GRIK2: variants seen among roughly 807,000 people sequenced by gnomAD.
The protein encoded by GRIK2 is glutamate receptor ionotropic, kainate 2.
A neutral mutation model predicts 100.3 loss-of-function variants in GRIK2; 32 were observed. The observed-to-expected ratio is 0.32, with a 90% confidence interval of 0.24 to 0.43. The LOEUF (loss-of-function observed/expected upper bound fraction) is 0.43, where lower values mean the gene tolerates loss of function less well. Among genes scored for constraint, GRIK2 ranks in the 20% least tolerant of loss-of-function variants. GRIK2 has a pLI of 1.00. For synonymous variants in GRIK2, 417 were observed against 389.4 expected, an observed-to-expected ratio of 1.07 and a Z score of -0.83; for missense variants, 843 against 1,114.9, an observed-to-expected ratio of 0.76 and a Z score of 3.47.
At chr6:101,685,557 T>C (rs1179635520) in intron 6 of GRIK2, among the ~76,000 whole-genome samples, 2 of 152,180 alleles carry the variant, frequency 1.3e-5, no homozygotes, top group African/African-American at 4.8e-5. Flanking sequence ...GAAAGTTCAC[T>C]ATATACAGAC....
rs1279937784 is a variant in GRIK2, at chr6:101,988,043, C to T, written c.2086-47298C>T. 2.6e-5 allele frequency among the ~76,000 whole-genome samples: 4 copies of T among 151,220 alleles called. No homozygotes were observed. In the East Asian group the frequency reaches 7.9e-4, roughly 30 times the overall value. ...CTCCTTCAGCTACTGCTTCAAATAA[C>T]TCAGTACTGTGAGAACTGATAAGCT... On this transcript the variant is annotated intron_variant, in intron 14 of 16. Coordinates refer to ENST00000369134, the MANE Select transcript of GRIK2 (RefSeq NM_021956.5).
chr6:101,656,399 G>A (rs1250433729), intron 4 of GRIK2, among the ~76,000 whole-genome samples: 2 of 151,456 alleles, frequency 1.3e-5, no homozygotes, highest in Non-Finnish European at 2.9e-5. Context: ...ATATTTAAAT[G>A]TTCTAAAAAT....
At chr6:101,624,384 G>A (rs1780326224) in intron 3 of GRIK2, among the ~76,000 whole-genome samples, 1 of 152,028 alleles carries the variant, frequency 6.6e-6, no homozygotes, top group Non-Finnish European at 1.5e-5. Context: ...TACTAATTTA[G>A]AATTCCACAT....
At chr6:101,612,369 GA>G (rs1779718449) in intron 2 of GRIK2, among the ~76,000 whole-genome samples, 1 of 151,806 alleles carries the variant, frequency 6.6e-6, no homozygotes, top group Non-Finnish European at 1.5e-5. Context: ...ATAGATTAAA[GA>G]CAGAAAACGT....
chr6:102,050,124 G>A (rs951184846), intron 15 of GRIK2, among the ~76,000 whole-genome samples: 9 of 152,014 alleles, frequency 5.9e-5, no homozygotes, highest in Non-Finnish European at 1.3e-4. Context: ...TTTGTACAGG[G>A]TAGTAAAAGG....
chr6:101,394,486 A>G (rs1774924164), intron 1 of GRIK2, among the ~76,000 whole-genome samples: 1 of 152,238 alleles, frequency 6.6e-6, no homozygotes, highest in African/African-American at 2.4e-5. Context: ...GAGGCTCCTT[A>G]GAGAATAATT....
intron 2 of GRIK2, among the ~76,000 whole-genome samples, chr6:101,480,098 G>T (rs1442338918): frequency 1.3e-5 from 2 of 152,148 alleles, no homozygotes; most frequent in African/African-American, 4.8e-5. Context: ...AACATGGTGA[G>T]TGGGGAAAGG....
At chr6:101,974,275 C>T (rs6571001) in intron 14 of GRIK2, among the ~76,000 whole-genome samples, 10,701 of 151,756 alleles carry the variant, frequency 0.071, 936 homozygotes, top group African/African-American at 0.21. Context: ...TTTTTGAGTA[C>T]GTACTATGTC....
chr6:101,890,484 C>T (rs1332573825), intron 12 of GRIK2: 1 of 152,156 alleles, frequency 6.6e-6, no homozygotes, highest in Admixed American at 6.6e-5. Context: ...AATCCAAACA[C>T]TTTGGGAGCC....
chr6:101,919,517 G>A (rs1789357002), intron 12 of GRIK2, among the ~76,000 whole-genome samples: 1 of 151,770 alleles, frequency 6.6e-6, no homozygotes, highest in African/African-American at 2.4e-5. Flanking sequence ...TTAAGCATGA[G>A]GTAATGGTGA....
At chr6:101,454,488 A>G (rs748732618) in intron 2 of GRIK2, among the ~76,000 whole-genome samples, 29 of 152,156 alleles carry the variant, frequency 1.9e-4, no homozygotes, top group Non-Finnish European at 3.8e-4. Flanking sequence ...CCATTAAGCC[A>G]GTTCAGCGGT....
At chr6:101,750,398 T>C (rs1214772036) in intron 7 of GRIK2, among the ~76,000 whole-genome samples, 1 of 152,142 alleles carries the variant, frequency 6.6e-6, no homozygotes, top group Middle Eastern at 3.2e-3. Flanking sequence ...TATTTTACCC[T>C]TCTCACCGAG....
At chr6:101,423,025 T>G (rs1055559321) in intron 2 of GRIK2, among the ~76,000 whole-genome samples, 3 of 152,208 alleles carry the variant, frequency 2.0e-5, no homozygotes. Flanking sequence ...GCTGTGCACT[T>G]TAGCACATGC....
chr6:102,008,918 A>G (rs1326801230), intron 14 of GRIK2, among the ~76,000 whole-genome samples: 3 of 152,086 alleles, frequency 2.0e-5, no homozygotes, highest in Non-Finnish European at 4.4e-5. Context: ...ATGTATACAC[A>G]CATGTCCATA....
At chr6:101,830,828 A>G (rs1000586821) in intron 10 of GRIK2, among the ~76,000 whole-genome samples, 3 of 152,072 alleles carry the variant, frequency 2.0e-5, no homozygotes, top group East Asian at 1.9e-4. Flanking sequence ...AGAATTAAAA[A>G]TAGAATTGCC....
intron 2 of GRIK2, among the ~76,000 whole-genome samples, chr6:101,580,778 G>A (rs991546851): frequency 3.9e-5 from 6 of 151,934 alleles, no homozygotes; most frequent in African/African-American, 1.5e-4. Context: ...CTGCCTCTGG[G>A]AGTTTACACT....
Position 101,872,672 on chromosome 6 carries a change from C to G in GRIK2, c.1524+13179C>G, listed in dbSNP as rs9377317. Among the ~76,000 whole-genome samples the G allele has an allele frequency of 8.6e-5, 13 of 151,922 alleles. No homozygotes were observed. In the East Asian group the frequency reaches 2.5e-3, roughly 29 times the overall value. ...TCATCAATAATTCCCCCTTCCCATC[C>G]CCTCTGAATAGCATGTACTCACCTC... On this transcript the variant is annotated intron_variant, in intron 11 of 16. Transcript: ENST00000369134.
intron 11 of GRIK2, among the ~76,000 whole-genome samples, chr6:101,871,044 A>T (rs1018485276): frequency 6.6e-6 from 1 of 151,908 alleles, no homozygotes; most frequent in Admixed American, 6.6e-5. Context: ...TTGATTACCT[A>T]TATACACTAT....
chr6:101,985,042 T>G (rs1200849939), intron 14 of GRIK2, among the ~76,000 whole-genome samples: 1 of 151,678 alleles, frequency 6.6e-6, no homozygotes, highest in Non-Finnish European at 1.5e-5. Flanking sequence ...AGTGGAAAAC[T>G]TATTGCTATA....
Sources: allele counts gnomAD v4.1 joint callset (sites outside exome capture counted in the v4.1 genomes callset), GRCh38; gene constraint gnomAD v4.1.1; transcripts MANE v1.5; gene names NCBI Gene and HGNC (gene_info 2026-07-23, HGNC 2026-07-21).